ITGB1: variants seen among roughly 807,000 people sequenced by gnomAD.
The protein encoded by ITGB1 is integrin beta-1.
A neutral mutation model predicts 86.5 loss-of-function variants in ITGB1; 24 were observed. The ratio of observed to expected loss-of-function variants is 0.28; its 90% CI spans 0.20 to 0.39. The LOEUF (loss-of-function observed/expected upper bound fraction) is 0.39, where lower values mean the gene tolerates loss of function less well. Ranked by LOEUF, ITGB1 falls within the 10% of genes least tolerant of loss-of-function variation. ITGB1 has a pLI of 1.00. For missense variants in ITGB1, 556 were observed against 946.9 expected (o/e 0.59, Z 5.42); for synonymous variants, 323 against 316.8 (o/e 1.02, Z -0.21).
At chr10:32,932,141 G>C (rs2094985367) in intron 3 of ITGB1, among the ~76,000 whole-genome samples, 1 of 151,846 alleles carries the variant, frequency 6.6e-6, no homozygotes, top group Admixed American at 6.6e-5. Flanking sequence ...GTGCCACAAA[G>C]ATGAGCTACA....
intron 15 of ITGB1, among the ~76,000 whole-genome samples, chr10:32,902,685 AT>A (rs767850283): frequency 6.6e-5 from 10 of 152,222 alleles, no homozygotes; most frequent in Non-Finnish European, 1.2e-4. Flanking sequence ...TTTTAAAAAA[AT>A]ATTTATAGAA....
intron 1 of ITGB1, among the ~76,000 whole-genome samples, chr10:32,948,236 C>T (rs2095035852): frequency 1.3e-5 from 2 of 152,040 alleles, no homozygotes; most frequent in South Asian, 2.1e-4. Flanking sequence ...ATTTAATGTG[C>T]TTTCTAACAA....
rs145491875 is a variant in ITGB1 at position 32,935,543 on chromosome 10, T to C, written c.16A>G (p.Ile6Val). The stretch of plus-strand genomic sequence containing the variant: ...GAACTGATCAGTCCAATCCAGAAAA[T>C]TGGTTGTAAATTCATCTGAAATGTA... Reference protein sequence around the residue: MNLQPIFWIGLISSVC... With the variant: MNLQPVFWIGLISSVC... Residue 6 changes from isoleucine to valine, a missense_variant, in exon 2 of 16, where the codon ATT becomes GTT. By Grantham distance (29) the Ile-to-Val change is conservative (BLOSUM62 3). Coordinates refer to ENST00000302278, the MANE Select transcript of ITGB1 (RefSeq NM_002211.4). 18 of 1,612,784 alleles carry C rather than the reference T, an allele frequency of 1.1e-5. No individual in the cohort carries two copies. The highest frequency in any genetic ancestry group is 6.7e-5 in the Admixed American group (4 of 59,974).
chr10:32,910,462 C>T lies in ITGB1; in HGVS notation c.1932-7G>A. On this transcript the variant is annotated splice_polypyrimidine_tract_variant and splice_region_variant and intron_variant, in intron 13 of 15. Transcript: ENST00000302278. Reference sequence around the variant, plus strand: ...TCTGCACTGAACACATTCTCTGTTACAAAAAACACAAATTATGATATTTAC... The same window carrying T: ...TCTGCACTGAACACATTCTCTGTTATAAAAAACACAAATTATGATATTTAC... 1 of 1,510,792 alleles carries T rather than the reference C, an allele frequency of 6.6e-7. No individual in the cohort carries two copies. Among genetic ancestry groups the T allele is most frequent in the Non-Finnish European group, 9.1e-7 (1 of 1,102,604 alleles). The allele number at this position is 1,510,792 out of a possible 1,614,324, so 93.6% of individuals were successfully genotyped here.
chr10:32,901,550 G>A lies in ITGB1; in HGVS notation c.*20C>T, dbSNP rs144974159. 642 of 1,481,776 alleles carry A rather than the reference G, an allele frequency of 4.3e-4. 7 individuals carry two copies. The East Asian group carries it at 0.014, about 32-fold the overall frequency. The allele number at this position is 1,481,776 out of a possible 1,614,324, so 91.8% of individuals were successfully genotyped here. A position where few individuals can be genotyped will look rare whatever the true frequency, so the allele number is the denominator to read the frequency against. On this transcript the variant is annotated 3_prime_UTR_variant, in exon 16 of 16. Transcript: ENST00000302278. ...ATTGCTACTTTGCATTCAGTGTTGT[G>A]GGATTTGCACGGGCAGTACTCATTT...
intron 1 of ITGB1, among the ~76,000 whole-genome samples, chr10:32,948,148 T>C (rs758491701): frequency 7.2e-5 from 11 of 152,166 alleles, no homozygotes; most frequent in Non-Finnish European, 1.5e-4. Flanking sequence ...TGGATTGTTA[T>C]AGCTGTTCAT....
intron 14 of ITGB1, 124 bp downstream of exon 14, chr10:32,910,099 G>GA (rs2094908189): frequency 1.5e-6 from 1 of 663,982 alleles, no homozygotes; most frequent in Non-Finnish European, 2.6e-6. Flanking sequence ...TTTGAGAGAT[G>GA]AAAAATTTCC....
intron 11 of ITGB1, among the ~76,000 whole-genome samples, chr10:32,916,137 A>T (rs1213222152): frequency 6.6e-6 from 1 of 152,172 alleles, no homozygotes; most frequent in African/African-American, 2.4e-5. Context: ...CTCTCAATAA[A>T]CTAGGTATTG....
intron 14 of ITGB1, among the ~76,000 whole-genome samples, chr10:32,909,756 T>C (rs944250033): frequency 6.6e-6 from 1 of 151,722 alleles, no homozygotes; most frequent in Non-Finnish European, 1.5e-5. Flanking sequence ...CCAAAGAATC[T>C]ACAAAAAGGC....
intron 1 of ITGB1, among the ~76,000 whole-genome samples, chr10:32,950,534 A>G (rs1205907721): frequency 6.6e-6 from 1 of 152,216 alleles, no homozygotes; most frequent in Non-Finnish European, 1.5e-5. Flanking sequence ...ATTAATGATT[A>G]ACAAAACTTC....
intron 2 of ITGB1, among the ~76,000 whole-genome samples, chr10:32,933,978 A>G (rs2094992512): frequency 1.3e-5 from 2 of 152,182 alleles, no homozygotes; most frequent in African/African-American, 2.4e-5. Flanking sequence ...ATGCACATAT[A>G]AACACCCCAA....
At chr10:32,913,803 G>A (rs2094922041) in intron 11 of ITGB1, among the ~76,000 whole-genome samples, 1 of 152,122 alleles carries the variant, frequency 6.6e-6, no homozygotes, top group Admixed American at 6.5e-5. Flanking sequence ...TCAAATTCAG[G>A]AAATACAGAG....
At chr10:32,906,789 T>C (rs929427756) in intron 15 of ITGB1, among the ~76,000 whole-genome samples, 2 of 152,224 alleles carry the variant, frequency 1.3e-5, no homozygotes, top group Non-Finnish European at 2.9e-5. Context: ...AATGCTGTTC[T>C]ACTTACTAAG....
intron 1 of ITGB1, chr10:32,953,630 GAAT>G (rs2095046890): frequency 6.6e-6 from 1 of 152,164 alleles, no homozygotes; most frequent in African/African-American, 2.4e-5. Flanking sequence ...TCGAACGAGA[GAAT>G]GAGAGAAACA....
Position 32,920,367 on chromosome 10 carries a change from T to C in ITGB1, c.1147A>G (p.Ile383Val). ...DAYNSLSSEV[I>V]LENGKLSEGV... ...TCTGACAATTTGCCGTTTTCCAAAA[T>C]GACTTCTGAGGAAAGGGACTAAAAG... The change falls in exon 10 of 16, where the codon ATT (isoleucine) becomes GTT (valine). Residue 383 changes from isoleucine to valine, a missense_variant. Physicochemically the swap from Ile to Val is conservative, Grantham distance 29. This residue lies in a region of ITGB1 where 330 missense variants were observed against 531.5 expected (regional missense o/e 0.62). Transcript: ENST00000302278. 1 of 1,613,506 alleles carries C rather than the reference T, an allele frequency of 6.2e-7. No individual in the cohort carries two copies. Among genetic ancestry groups the C allele is most frequent in the Non-Finnish European group, 8.5e-7 (1 of 1,179,660 alleles).
chr10:32,930,072 A>C (rs1356717565), intron 3 of ITGB1, 28 bp from the exon 4 acceptor site: 1 of 842,264 alleles, frequency 1.2e-6, no homozygotes, highest in South Asian at 1.4e-5. Flanking sequence ...TATAGGTATA[A>C]ATGAAAATTG....
intron 9 of ITGB1, among the ~76,000 whole-genome samples, chr10:32,920,798 C>T (rs1034494709): frequency 6.3e-5 from 9 of 142,918 alleles, no homozygotes; most frequent in Admixed American, 4.5e-4. Flanking sequence ...CACAGTGAAA[C>T]CCCATCTCCG....
chr10:32,921,764 A>T (rs996484043), intron 9 of ITGB1, among the ~76,000 whole-genome samples: 1 of 152,052 alleles, frequency 6.6e-6, no homozygotes, highest in African/African-American at 2.4e-5. Context: ...GTATATTTAC[A>T]TTTTTATATA....
At chr10:32,942,943 G>A (rs144651083) in intron 1 of ITGB1, among the ~76,000 whole-genome samples, 1 of 152,126 alleles carries the variant, frequency 6.6e-6, no homozygotes, top group East Asian at 1.9e-4. Context: ...ATGAGTCCAG[G>A]AGTTGGAAGC....
Sources: allele counts gnomAD v4.1 joint callset (sites outside exome capture counted in the v4.1 genomes callset), GRCh38; gene constraint gnomAD v4.1.1; regional missense constraint gnomAD v4.1.1; transcripts MANE v1.5; gene names NCBI Gene and HGNC (gene_info 2026-07-23, HGNC 2026-07-21).